Variants in PRLR observed in about 807,000 individuals in gnomAD.
The protein encoded by PRLR is hPRL receptor.
Under a neutral mutation model 40.2 loss-of-function variants are expected in PRLR, and 13 were observed. The observed-to-expected ratio is 0.32, with a 90% CI of 0.21 to 0.51. PRLR has a LOEUF of 0.51. Among genes scored for constraint, PRLR ranks in the 20% least tolerant of loss-of-function variants. The pLI, the probability that PRLR is intolerant of heterozygous loss-of-function variation, is 0.97. For missense variants in PRLR, 656 were observed against 747.3 expected, an observed-to-expected ratio of 0.88 and a Z score of 1.42; for synonymous variants, 269 against 278.7, an observed-to-expected ratio of 0.97 and a Z score of 0.35.
At chr5:35,078,735 G>A (rs1489577980) in intron 5 of PRLR, among the ~76,000 whole-genome samples, 3 of 152,154 alleles carry the variant, frequency 2.0e-5, no homozygotes, top group African/African-American at 7.2e-5. Context: ...TGATACCAAA[G>A]CCTGGCAGAG....
chr5:35,082,717 T>C (rs1012749868), intron 5 of PRLR, among the ~76,000 whole-genome samples: 2 of 152,194 alleles, frequency 1.3e-5, no homozygotes, highest in African/African-American at 4.8e-5. Context: ...GTACTGCAGG[T>C]TATTGCTGGA....
chr5:35,110,889 C>T (rs1772618316), intron 2 of PRLR, among the ~76,000 whole-genome samples: 1 of 152,200 alleles, frequency 6.6e-6, no homozygotes, highest in African/African-American at 2.4e-5. Context: ...CAGGCATGGA[C>T]ATCCCTGGGT....
At chr5:35,073,160 G>C (rs1434605677) in intron 5 of PRLR, among the ~76,000 whole-genome samples, 5 of 152,152 alleles carry the variant, frequency 3.3e-5, no homozygotes, top group African/African-American at 1.2e-4. Flanking sequence ...ATTCTCCTTA[G>C]TTACACACAG....
At chr5:35,102,570 T>C (rs1283095669) in intron 2 of PRLR, among the ~76,000 whole-genome samples, 2 of 140,688 alleles carry the variant, frequency 1.4e-5, no homozygotes, top group Non-Finnish European at 3.0e-5. Flanking sequence ...TTTGACGGAG[T>C]CTTGCTCTGT....
At chr5:35,133,280 T>C (rs1349095811) in intron 1 of PRLR, among the ~76,000 whole-genome samples, 1 of 152,094 alleles carries the variant, frequency 6.6e-6, no homozygotes. Context: ...CTTGCCTCCA[T>C]AATCGTGTGA....
At chr5:35,205,605 A>C (rs1775995856) in intron 1 of PRLR, among the ~76,000 whole-genome samples, 1 of 152,154 alleles carries the variant, frequency 6.6e-6, no homozygotes, top group African/African-American at 2.4e-5. Flanking sequence ...GCAGTGGTGA[A>C]CTGAATCCTG....
At chr5:35,160,678 G>GT (rs1240470796) in intron 1 of PRLR, among the ~76,000 whole-genome samples, 1 of 152,098 alleles carries the variant, frequency 6.6e-6, no homozygotes, top group East Asian at 1.9e-4. Flanking sequence ...ATGTTTTCAG[G>GT]TTTTTTGCAT....
chr5:35,119,272 C>T (rs1291069207), intron 1 of PRLR, among the ~76,000 whole-genome samples: 1 of 152,054 alleles, frequency 6.6e-6, no homozygotes, highest in African/African-American at 2.4e-5. Flanking sequence ...CTTGAGGAAG[C>T]CAGTGCTGAA....
chr5:35,090,778 C>G (rs1771147611), intron 2 of PRLR, among the ~76,000 whole-genome samples: 1 of 138,758 alleles, frequency 7.2e-6, no homozygotes, highest in Non-Finnish European at 1.5e-5. Flanking sequence ...CACCCAGGTA[C>G]CATCAATTAG....
At chr5:35,049,133 T>A in exon 9 of PRLR, 1 of 696,520 alleles carries the variant, frequency 1.4e-6, no homozygotes, top group Non-Finnish European at 2.6e-6. Context: ...TAGGGAGTGA[T>A]CATATGAGCT....
At chr5:35,179,213 T>A (rs1298904239) in intron 1 of PRLR, among the ~76,000 whole-genome samples, 2 of 152,202 alleles carry the variant, frequency 1.3e-5, no homozygotes, top group African/African-American at 4.8e-5. Context: ...GTGCCCACAG[T>A]GTCTAGCACA....
intron 1 of PRLR, among the ~76,000 whole-genome samples, chr5:35,121,056 A>C (rs1210507875): frequency 1.3e-5 from 2 of 152,220 alleles, no homozygotes; most frequent in African/African-American, 4.8e-5. Context: ...AAATGAATTT[A>C]TTCTAGAGGT....
chr5:35,177,105 T>G (rs1454237517), intron 1 of PRLR, among the ~76,000 whole-genome samples: 1 of 152,230 alleles, frequency 6.6e-6, no homozygotes, highest in African/African-American at 2.4e-5. Context: ...CGTGTTTGTC[T>G]GCTGACCCTC....
At chr5:35,191,720 A>T (rs373661164) in intron 1 of PRLR, among the ~76,000 whole-genome samples, 1 of 152,224 alleles carries the variant, frequency 6.6e-6, no homozygotes, top group African/African-American at 2.4e-5. Flanking sequence ...ACACCCGAAG[A>T]AAACAGATTC....
chr5:35,122,078 A>G (rs1773311472), intron 1 of PRLR, among the ~76,000 whole-genome samples: 2 of 152,224 alleles, frequency 1.3e-5, no homozygotes, highest in Non-Finnish European at 2.9e-5. Flanking sequence ...AGGAGATTAA[A>G]AAGACAATAA....
chr5:35,143,413 G>A lies in PRLR; in HGVS notation c.-105-25291C>T, dbSNP rs552736885. Among the ~76,000 whole-genome samples the A allele has an allele frequency of 7.2e-5, 11 of 152,316 alleles. No homozygotes were observed. The South Asian group carries it at 1.9e-3, about 26-fold the overall frequency. On this transcript the variant is annotated intron_variant, in intron 1 of 9. Coordinates refer to ENST00000618457, the MANE Select transcript of PRLR (RefSeq NM_000949.7). The stretch of plus-strand genomic sequence containing the variant: ...CCAGGCAGCACTATCTTCTGGAAAC[G>A]ATAGGTAAATATTCTGTTTCTGTCT...
chr5:35,136,023 G>A (rs927369748), intron 1 of PRLR, among the ~76,000 whole-genome samples: 6 of 152,196 alleles, frequency 3.9e-5, no homozygotes, highest in Admixed American at 3.9e-4. Context: ...AAGCAGCTGA[G>A]AAGTTATGAA....
chr5:35,204,930 TATA>T (rs1369300740), intron 1 of PRLR, among the ~76,000 whole-genome samples: 2 of 152,110 alleles, frequency 1.3e-5, no homozygotes, highest in South Asian at 4.1e-4. Context: ...GTGACACAAA[TATA>T]ATAAGTTTCC....
chr5:35,191,751 A>G (rs1775613663), intron 1 of PRLR, among the ~76,000 whole-genome samples: 2 of 152,236 alleles, frequency 1.3e-5, no homozygotes, highest in African/African-American at 2.4e-5. Flanking sequence ...CAGACACTGT[A>G]TCTTTCATAT....
Sources: allele counts gnomAD v4.1 joint callset (sites outside exome capture counted in the v4.1 genomes callset), GRCh38; gene constraint gnomAD v4.1.1; transcripts MANE v1.5; gene names NCBI Gene and HGNC (gene_info 2026-07-23, HGNC 2026-07-21).